PDE4D: variants seen among roughly 807,000 people sequenced by gnomAD.
The protein encoded by PDE4D is 3',5'-cyclic-AMP phosphodiesterase 4D.
In PDE4D, 24 loss-of-function variants were observed where a neutral mutation model predicts 87.4. The ratio of observed to expected loss-of-function variants is 0.27; its 90% CI spans 0.20 to 0.39. The LOEUF is 0.39. Among genes scored for constraint, PDE4D ranks in the 10% least tolerant of loss-of-function variants. The pLI, the probability that PDE4D is intolerant of heterozygous loss-of-function variation, is 1.00. For missense variants in PDE4D, 714 were observed against 1,041.0 expected (o/e 0.69, Z 4.32); for synonymous variants, 384 against 383.2 (o/e 1.00, Z -0.02).
chr5:59,582,911 C>T (rs1183960767), intron 1 of PDE4D, among the ~76,000 whole-genome samples: 2 of 152,146 alleles, frequency 1.3e-5, no homozygotes, highest in Non-Finnish European at 2.9e-5. Context: ...AATCATTAAT[C>T]ACCTTCCACA....
At chr5:59,455,473 T>C (rs148868086) in intron 1 of PDE4D, among the ~76,000 whole-genome samples, 23 of 152,274 alleles carry the variant, frequency 1.5e-4, no homozygotes, top group East Asian at 1.2e-3. Flanking sequence ...CTAGATTTCA[T>C]AGGATGTATG....
intron 1 of PDE4D, among the ~76,000 whole-genome samples, chr5:60,435,664 G>A (rs1027838668): frequency 2.7e-5 from 4 of 150,456 alleles, no homozygotes; most frequent in Admixed American, 1.3e-4. Context: ...TATTTAGGAC[G>A]TGAAGATTAA....
intron 1 of PDE4D, among the ~76,000 whole-genome samples, chr5:59,618,399 C>T (rs920073773): frequency 3.0e-4 from 46 of 152,176 alleles, no homozygotes; most frequent in Middle Eastern, 3.4e-3. Flanking sequence ...GAATCATGAA[C>T]GCCAGAGAAT....
intron 1 of PDE4D, among the ~76,000 whole-genome samples, chr5:59,786,298 G>GT: frequency 6.6e-6 from 1 of 152,278 alleles, no homozygotes; most frequent in Middle Eastern, 3.4e-3. Flanking sequence ...ATTCTAAACA[G>GT]GGATTTAGAA....
chr5:59,196,022 A>G (rs375081496), intron 2 of PDE4D, among the ~76,000 whole-genome samples: 33 of 152,228 alleles, frequency 2.2e-4, no homozygotes, highest in Middle Eastern at 3.4e-3. Flanking sequence ...AAACTAAATC[A>G]GTGGTAGTTG....
At chr5:59,239,644 G>C (rs908672073) in intron 1 of PDE4D, among the ~76,000 whole-genome samples, 4 of 152,014 alleles carry the variant, frequency 2.6e-5, no homozygotes, top group Non-Finnish European at 4.4e-5. Context: ...ATTATAATTC[G>C]TTGCCTCTCT....
intron 1 of PDE4D, among the ~76,000 whole-genome samples, chr5:60,474,105 CATATATATATATATATATATAT>C (rs1158022321): frequency 0.028 from 881 of 31,008 alleles, 56 homozygotes; most frequent in Middle Eastern, 0.059. Context: ...TTTGAGCTGC[CATATATATATATATATATATAT>C]ATATATATAT....
chr5:59,929,382 A>T (rs1230883567), intron 3 of PDE4D, among the ~76,000 whole-genome samples: 3 of 152,184 alleles, frequency 2.0e-5, no homozygotes, highest in African/African-American at 4.8e-5. Flanking sequence ...TTTTAAAAAA[A>T]CCAATTTCTC....
intron 2 of PDE4D, among the ~76,000 whole-genome samples, chr5:60,147,104 A>G (rs914896053): frequency 3.9e-5 from 6 of 152,226 alleles, no homozygotes; most frequent in African/African-American, 1.4e-4. Flanking sequence ...TGTAAAGTCT[A>G]TCGGAGGACT....
chr5:59,948,730 C>T (rs1757960619), intron 3 of PDE4D, among the ~76,000 whole-genome samples: 1 of 152,264 alleles, frequency 6.6e-6, no homozygotes, highest in South Asian at 2.1e-4. Flanking sequence ...GGAAGGCAAA[C>T]CCTTCATGTA....
At chr5:59,360,736 G>T (rs946713059) in intron 1 of PDE4D, among the ~76,000 whole-genome samples, 3 of 152,100 alleles carry the variant, frequency 2.0e-5, no homozygotes, top group African/African-American at 7.2e-5. Context: ...TGATTGAAAG[G>T]TCAATTATTC....
chr5:60,244,224 A>G (rs1257472784), intron 1 of PDE4D, among the ~76,000 whole-genome samples: 2 of 151,960 alleles, frequency 1.3e-5, no homozygotes, highest in East Asian at 3.9e-4. Context: ...ATTAAATAAA[A>G]TACCTAGAAA....
intron 1 of PDE4D, among the ~76,000 whole-genome samples, chr5:59,660,251 G>A (rs144092984): frequency 1.5e-3 from 228 of 152,004 alleles, no homozygotes; most frequent in African/African-American, 5.2e-3. Context: ...TTCATCCCTT[G>A]GTAATACATA....
chr5:60,044,373 T>TA lies in PDE4D; in HGVS notation c.43-55657_43-55656insT, dbSNP rs563545413. Among the ~76,000 whole-genome samples, 358 of 151,946 alleles carry TA rather than the reference T, an allele frequency of 2.4e-3. 2 individuals are homozygous for TA. The highest frequency in any genetic ancestry group is 0.011 in the South Asian group (54 of 4,786). ...TTTATACTCTAGTTTTTCCTTTTTT[T>TA]TATATTATACTTTAAGTTTTAGGGT... On this transcript the variant is annotated intron_variant, in intron 2 of 16. Coordinates refer to the PDE4D transcript ENST00000502484.
chr5:60,511,149 C>G (rs115064381), intron 1 of PDE4D, among the ~76,000 whole-genome samples: 1 of 151,842 alleles, frequency 6.6e-6, no homozygotes, highest in Non-Finnish European at 1.5e-5. Context: ...TTTGTATTTT[C>G]AGTAGAGACG....
chr5:59,434,630 C>T (rs1192543839), intron 1 of PDE4D, among the ~76,000 whole-genome samples: 2 of 152,118 alleles, frequency 1.3e-5, no homozygotes, highest in African/African-American at 4.8e-5. Flanking sequence ...ATCAGCTGCA[C>T]ATGAGAAAAT....
intron 2 of PDE4D, among the ~76,000 whole-genome samples, chr5:60,111,302 A>G (rs1777654090): frequency 6.6e-6 from 1 of 152,020 alleles, no homozygotes; most frequent in East Asian, 1.9e-4. Flanking sequence ...TGAATCAGCT[A>G]AAAAAGAAAA....
intron 5 of PDE4D, among the ~76,000 whole-genome samples, chr5:59,156,331 A>ATATATATGTGTGTGTG (rs1384479557): frequency 4.9e-5 from 6 of 122,766 alleles, no homozygotes; most frequent in African/African-American, 2.0e-4. Context: ...ATATATATAT[A>ATATATATGTGTGTGTG]TGTGTGTGTG....
At chr5:60,048,044 T>C (rs1428320574) in intron 2 of PDE4D, among the ~76,000 whole-genome samples, 1 of 152,170 alleles carries the variant, frequency 6.6e-6, no homozygotes, top group Non-Finnish European at 1.5e-5. Flanking sequence ...TGCATCTGGG[T>C]GCTCCTGTAT....
Sources: allele counts gnomAD v4.1 joint callset (sites outside exome capture counted in the v4.1 genomes callset), GRCh38; gene constraint gnomAD v4.1.1; transcripts MANE v1.5; gene names NCBI Gene and HGNC (gene_info 2026-07-23, HGNC 2026-07-21).